The following THRB variants were observed in gnomAD, a reference collection of about 807,000 sequenced individuals.
THRB encodes nuclear receptor subfamily 1 group A member 2.
THRB carries 12 observed loss-of-function variants against 47.8 expected under a neutral mutation model. The ratio of observed to expected loss-of-function variants is 0.25; its 90% CI spans 0.16 to 0.41. The LOEUF (loss-of-function observed/expected upper bound fraction) is 0.41. THRB is among the 10% of genes least tolerant of loss of function. The probability of loss-of-function intolerance (pLI) is 1.00; values close to 1 mark genes in which losing one functional copy is unlikely to be tolerated. For synonymous variants in THRB, 218 were observed against 212.2 expected (o/e 1.03, Z -0.24); for missense variants, 348 against 589.2 (o/e 0.59, Z 4.24).
chr3:24,196,512 T>C (rs895972658), intron 4 of THRB, among the ~76,000 whole-genome samples: 1 of 152,200 alleles, frequency 6.6e-6, no homozygotes, highest in Admixed American at 6.5e-5. Flanking sequence ...TCTTCACTTA[T>C]GCATCCACAT....
intron 2 of THRB, among the ~76,000 whole-genome samples, chr3:24,329,072 A>G (rs2061758674): frequency 6.6e-6 from 1 of 151,792 alleles, no homozygotes; most frequent in Non-Finnish European, 1.5e-5. Context: ...TCAGCCTCCC[A>G]TGTAGCTGGG....
intron 3 of THRB, among the ~76,000 whole-genome samples, chr3:24,249,786 G>A: frequency 6.6e-6 from 1 of 152,200 alleles, no homozygotes. Context: ...TGGGGCAAAT[G>A]TCAGTGCTAA....
At chr3:24,445,688 T>C (rs187388545) in intron 1 of THRB, among the ~76,000 whole-genome samples, 2 of 152,294 alleles carry the variant, frequency 1.3e-5, no homozygotes, top group African/African-American at 4.8e-5. Flanking sequence ...TGTAAATTAA[T>C]ATCTTTGGCC....
intron 3 of THRB, among the ~76,000 whole-genome samples, chr3:24,261,211 T>C (rs2051943912): frequency 9.0e-6 from 1 of 110,514 alleles, no homozygotes; most frequent in Non-Finnish European, 1.8e-5. Context: ...TCTTCAAAAA[T>C]ACATCTCTCG....
chr3:24,404,992 G>C (rs1247987498), intron 1 of THRB, among the ~76,000 whole-genome samples: 1 of 151,904 alleles, frequency 6.6e-6, no homozygotes, highest in African/African-American at 2.4e-5. Flanking sequence ...AAAACAAGCA[G>C]ACCTTGTGAA....
chr3:24,363,951 A>G (rs2064258493), intron 1 of THRB, among the ~76,000 whole-genome samples: 1 of 152,174 alleles, frequency 6.6e-6, no homozygotes, highest in Non-Finnish European at 1.5e-5. Flanking sequence ...TGAGTCCCAA[A>G]TTATGCACTT....
chr3:24,477,695 A>G (rs1288416660), intron 1 of THRB, among the ~76,000 whole-genome samples: 1 of 152,056 alleles, frequency 6.6e-6, no homozygotes, highest in Non-Finnish European at 1.5e-5. Context: ...GTCCTAACGC[A>G]GGATACGTAC....
At chr3:24,160,644 A>G (rs2149228828) in intron 5 of THRB, among the ~76,000 whole-genome samples, 1 of 152,290 alleles carries the variant, frequency 6.6e-6, no homozygotes, top group South Asian at 2.1e-4. Context: ...GGAAGAATAC[A>G]GATAACCAAG....
At chr3:24,265,387 C>T (rs548530771) in intron 3 of THRB, among the ~76,000 whole-genome samples, 86 of 152,246 alleles carry the variant, frequency 5.6e-4, no homozygotes, top group Non-Finnish European at 1.1e-3. Context: ...TAGGAAATGT[C>T]TCAGTGCTTC....
At chr3:24,386,588 C>T (rs920530600) in intron 1 of THRB, among the ~76,000 whole-genome samples, 4 of 152,110 alleles carry the variant, frequency 2.6e-5, no homozygotes, top group Non-Finnish European at 5.9e-5. Flanking sequence ...TTAGTCATAT[C>T]TCCCATATTT....
chr3:24,390,797 A>AATATAT (rs1553743105), intron 1 of THRB, among the ~76,000 whole-genome samples: 56 of 137,846 alleles, frequency 4.1e-4, no homozygotes, highest in African/African-American at 1.1e-3. Context: ...AAAAAAAAAA[A>AATATAT]ATATATATAT....
At chr3:24,483,397 A>C (rs1696768889) in intron 1 of THRB, among the ~76,000 whole-genome samples, 1 of 152,144 alleles carries the variant, frequency 6.6e-6, no homozygotes, top group Non-Finnish European at 1.5e-5. Flanking sequence ...AACTGTTATA[A>C]AATTATTCCA....
chr3:24,450,318 C>T (rs938777147), intron 1 of THRB, among the ~76,000 whole-genome samples: 2 of 152,140 alleles, frequency 1.3e-5, no homozygotes, highest in Admixed American at 6.5e-5. Flanking sequence ...ATGGACAGCA[C>T]GATTTACAGT....
At chr3:24,286,578 G>T (rs578225167) in intron 3 of THRB, among the ~76,000 whole-genome samples, 3 of 152,228 alleles carry the variant, frequency 2.0e-5, no homozygotes, top group African/African-American at 7.2e-5. Context: ...CAGCTAGATG[G>T]CTTGTAGATA....
intron 3 of THRB, among the ~76,000 whole-genome samples, chr3:24,277,135 C>A (rs2054001810): frequency 6.6e-6 from 1 of 152,106 alleles, no homozygotes; most frequent in Non-Finnish European, 1.5e-5. Context: ...GGAAGTTGGT[C>A]TGGAACAGTG....
At chr3:24,284,648 T>C (rs1262812226) in intron 3 of THRB, among the ~76,000 whole-genome samples, 2 of 149,480 alleles carry the variant, frequency 1.3e-5, no homozygotes, top group African/African-American at 5.1e-5. Flanking sequence ...ACAGGCAACC[T>C]ACAGAATGGG....
rs1051101567 is a variant in THRB, at chr3:24,242,060, A to T, written c.-42-13059T>A. 9.2e-5 allele frequency among the ~76,000 whole-genome samples: 14 copies of T among 152,214 alleles called. No homozygotes were observed. In the South Asian group the frequency reaches 2.1e-3, roughly 22 times the overall value. Reference sequence around the variant, plus strand: ...GCTAGGGCAGCTGTACTGCCTGCTCACAAGAGTGAATAAACACTCCCTTGG... The same window carrying T: ...GCTAGGGCAGCTGTACTGCCTGCTCTCAAGAGTGAATAAACACTCCCTTGG... On this transcript the variant is annotated intron_variant, in intron 3 of 10. Coordinates refer to ENST00000646209, the MANE Select transcript of THRB (RefSeq NM_001354712.2).
In THRB at chr3:24,450,748, A is replaced by G. The variant is rs771512923; in HGVS notation, c.-261+43904T>C. Among the ~76,000 whole-genome samples, 33 of 152,222 alleles carry G rather than the reference A, an allele frequency of 2.2e-4. No individual in the cohort carries two copies. The Middle Eastern group carries it at 0.017, about 78-fold the overall frequency. ...ATAGTAGGCTCAGCTTTTTTTTGAG[A>G]GAGAGATTAAGGTGCATACAGTCAA... On this transcript the variant is annotated intron_variant, in intron 1 of 10. Coordinates refer to ENST00000646209, the MANE Select transcript of THRB (RefSeq NM_001354712.2).
chr3:24,364,777 C>T (rs950584554), intron 1 of THRB, among the ~76,000 whole-genome samples: 3 of 152,116 alleles, frequency 2.0e-5, no homozygotes, highest in Admixed American at 1.3e-4. Flanking sequence ...CTACAGGTAA[C>T]GTTTTTCGGA....
Sources: allele counts gnomAD v4.1 joint callset (sites outside exome capture counted in the v4.1 genomes callset), GRCh38; gene constraint gnomAD v4.1.1; transcripts MANE v1.5; gene names NCBI Gene and HGNC (gene_info 2026-07-23, HGNC 2026-07-21).